The following OPHN1 variants were observed in gnomAD, a reference collection of about 807,000 sequenced individuals.
OPHN1 encodes oligophrenin 1.
OPHN1 carries 11 observed loss-of-function variants against 60.7 expected under a neutral mutation model. That is an observed-to-expected ratio of 0.18 (90% CI 0.11 to 0.30). The LOEUF (loss-of-function observed/expected upper bound fraction) is 0.30. Ranked by LOEUF, OPHN1 falls within the 10% of genes least tolerant of loss-of-function variation. The pLI is 1.00. For synonymous variants in OPHN1, 226 were observed against 222.6 expected (o/e 1.02, Z -0.14); for missense variants, 449 against 611.0 (o/e 0.73, Z 2.80).
chrX:68,220,344 C>T (rs1327889719), intron 6 of OPHN1, among the ~76,000 whole-genome samples: 3 of 110,118 alleles, frequency 2.7e-5, no homozygotes, highest in African/African-American at 9.9e-5. Flanking sequence ...CCGAATTCTA[C>T]CAGAGGTACA....
chrX:68,187,863 G>A (rs969159533), intron 15 of OPHN1, among the ~76,000 whole-genome samples: 4 of 111,999 alleles, frequency 3.6e-5, no homozygotes, highest in Middle Eastern at 4.6e-3. Flanking sequence ...TCCTGACCTC[G>A]TGATCCGCCC....
At chrX:68,216,100 A>G (rs1331166442) in intron 6 of OPHN1, among the ~76,000 whole-genome samples, 1 of 111,834 alleles carries the variant, frequency 8.9e-6, no homozygotes. Flanking sequence ...AAGGGACTAA[A>G]TGGAGAAATT....
chrX:68,127,748 T>C (rs2077177549), intron 15 of OPHN1, among the ~76,000 whole-genome samples: 1 of 111,853 alleles, frequency 8.9e-6, no homozygotes, highest in South Asian at 3.8e-4. Flanking sequence ...GGTCAGAGTG[T>C]CTAGAACAAT....
At chrX:68,052,703 C>G in intron 22 of OPHN1, 113 bp from the exon 23 acceptor site, 1 of 680,599 alleles carries the variant, frequency 1.5e-6, no homozygotes, top group Non-Finnish European at 2.3e-6. Flanking sequence ...AATGCCAGCC[C>G]CTGCCTTTGC....
intron 8 of OPHN1, among the ~76,000 whole-genome samples, chrX:68,211,384 G>C (rs1023601641): frequency 1.8e-5 from 2 of 112,219 alleles, no homozygotes; most frequent in African/African-American, 6.5e-5. Flanking sequence ...TTCTATTATA[G>C]CACTTATCAT....
chrX:68,401,049 A>G (rs940091086), intron 2 of OPHN1, among the ~76,000 whole-genome samples: 1 of 111,805 alleles, frequency 8.9e-6, no homozygotes, highest in Admixed American at 9.6e-5. Flanking sequence ...ACCAAGGAGG[A>G]TGGTGTTAAA....
At chrX:68,106,762 A>T (rs2077083564) in intron 18 of OPHN1, among the ~76,000 whole-genome samples, 1 of 112,100 alleles carries the variant, frequency 8.9e-6, no homozygotes, top group Non-Finnish European at 1.9e-5. Flanking sequence ...GCATAGATGT[A>T]CTCATCATAT....
At chrX:68,058,032 G>A (rs1327006258) in intron 21 of OPHN1, among the ~76,000 whole-genome samples, 1 of 111,116 alleles carries the variant, frequency 9.0e-6, no homozygotes, top group Non-Finnish European at 1.9e-5. Flanking sequence ...CAATGTGCAG[G>A]CTCGTTACAT....
rs1223296598 is a variant in OPHN1, at chrX:68,375,320, TG to T, written c.154+57546del. Among the ~76,000 whole-genome samples, 3 of 111,145 alleles carry T rather than the reference TG, an allele frequency of 2.7e-5. No homozygotes were observed. In the Admixed American group the frequency reaches 2.9e-4, roughly 11 times the overall value. ...CCAGCCTGCCAAACATAGCGAGAAC[TG>T]GTCTCTTTACAAAAATATTTTAAAA... On this transcript the variant is annotated intron_variant, in intron 2 of 24. Coordinates refer to ENST00000355520, the MANE Select transcript of OPHN1 (RefSeq NM_002547.3).
chrX:68,271,016 AT>A (rs1436383407), intron 5 of OPHN1, among the ~76,000 whole-genome samples: 1 of 111,492 alleles, frequency 9.0e-6, no homozygotes, highest in Non-Finnish European at 1.9e-5. Context: ...TGAGAACTGG[AT>A]ATGTATGAGT....
In OPHN1 at chrX:68,358,472, C is replaced by T. The variant is rs2078453877; in HGVS notation, c.155-59376G>A. Among the ~76,000 whole-genome samples, 3 of 111,945 alleles carry T rather than the reference C, an allele frequency of 2.7e-5. No homozygotes were observed. In the Admixed American group the frequency reaches 2.9e-4, roughly 11 times the overall value. On this transcript the variant is annotated intron_variant, in intron 2 of 24. Coordinates refer to ENST00000355520, the MANE Select transcript of OPHN1 (RefSeq NM_002547.3). The stretch of plus-strand genomic sequence containing the variant: ...AACAGGATTTATAACAAAGGGAATA[C>T]TGAATTTTGAAGTTTGTCTGACAAG...
rs2078895484 is a variant in OPHN1 at position 68,433,309 on chromosome X, G to A, written c.-146C>T. The A allele has an allele frequency of 1.2e-5, 4 of 325,680 alleles. No homozygotes were observed. In the Admixed American group the frequency reaches 1.6e-4, roughly 13 times the overall value. 26.8% of individuals were successfully genotyped at this position (325,680 alleles called of 1,213,427 possible). A position where few individuals can be genotyped will look rare whatever the true frequency, so the allele number is the denominator to read the frequency against. On this transcript the variant is annotated 5_prime_UTR_variant, in exon 1 of 25. Transcript: ENST00000355520. ...TGCCTAGCAAGCAGCATGTCCCTTAGGCATCGCCTTCCCAGATAAGCAGCA... is the reference window on the plus strand; with the variant it reads ...TGCCTAGCAAGCAGCATGTCCCTTAAGCATCGCCTTCCCAGATAAGCAGCA...
At chrX:68,342,081 C>CA (rs759421115) in intron 2 of OPHN1, among the ~76,000 whole-genome samples, 21 of 106,009 alleles carry the variant, frequency 2.0e-4, no homozygotes, top group Admixed American at 1.6e-3. Context: ...GTGATCCTCC[C>CA]ACCTCAGGCT....
intron 2 of OPHN1, among the ~76,000 whole-genome samples, chrX:68,307,343 A>G (rs1253232112): frequency 9.2e-6 from 1 of 108,712 alleles, no homozygotes; most frequent in African/African-American, 3.4e-5. Context: ...AGTCCCAGCT[A>G]CTCAGGAGGC....
chrX:68,184,856 A>G (rs1465883745), intron 15 of OPHN1, among the ~76,000 whole-genome samples: 6 of 112,150 alleles, frequency 5.3e-5, no homozygotes, highest in Non-Finnish European at 7.5e-5. Flanking sequence ...TCGGTCTCCC[A>G]AAGTGCTGGG....
chrX:68,281,951 G>A (rs977985064), intron 4 of OPHN1, among the ~76,000 whole-genome samples: 1 of 112,370 alleles, frequency 8.9e-6, no homozygotes, highest in Non-Finnish European at 1.9e-5. Context: ...CGAGGACATG[G>A]AGCAACAGGA....
intron 24 of OPHN1, 58 bp downstream of exon 24, chrX:68,048,358 C>T (rs984574861): frequency 1.9e-6 from 2 of 1,043,243 alleles, no homozygotes; most frequent in African/African-American, 1.8e-5. Context: ...AATATCAGAT[C>T]CCGTAATGAA....
chrX:68,206,098 G>T (rs2077558430), intron 10 of OPHN1, among the ~76,000 whole-genome samples: 1 of 109,392 alleles, frequency 9.1e-6, no homozygotes, highest in African/African-American at 3.3e-5. Flanking sequence ...GTGAGAGAAG[G>T]TTTGGAGGGC....
At chrX:68,362,459 T>C (rs1339081508) in intron 2 of OPHN1, among the ~76,000 whole-genome samples, 1 of 112,153 alleles carries the variant, frequency 8.9e-6, no homozygotes, top group Non-Finnish European at 1.9e-5. Context: ...CATGTGATTA[T>C]AGATAATAAC....
Sources: allele counts gnomAD v4.1 joint callset (sites outside exome capture counted in the v4.1 genomes callset), GRCh38; gene constraint gnomAD v4.1.1; transcripts MANE v1.5; gene names NCBI Gene and HGNC (gene_info 2026-07-23, HGNC 2026-07-21).